The following TENM1 variants were observed in gnomAD, a reference collection of about 807,000 sequenced individuals.
TENM1 encodes teneurin transmembrane protein 1.
TENM1 carries 35 observed loss-of-function variants against 174.8 expected under a neutral mutation model. The ratio of observed to expected loss-of-function variants is 0.20; its 90% CI spans 0.15 to 0.27. The LOEUF is 0.27. TENM1 is among the 10% of genes least tolerant of loss of function. The pLI is 1.00. For synonymous variants in TENM1, 781 were observed against 798.7 expected (o/e 0.98, Z 0.37); for missense variants, 1,633 against 2,130.1 (o/e 0.77, Z 4.59).
At chrX:125,152,187 G>A in the TENM1 span, among the ~76,000 whole-genome samples, 1 of 109,120 alleles carries the variant, frequency 9.2e-6, no homozygotes, top group African/African-American at 3.4e-5. Flanking sequence ...CCCGGGAGGT[G>A]GAGGTTGCAG....
At chrX:125,149,581 C>T in the TENM1 span, among the ~76,000 whole-genome samples, 1 of 111,528 alleles carries the variant, frequency 9.0e-6, no homozygotes, top group Non-Finnish European at 1.9e-5. Flanking sequence ...GAAAATAATT[C>T]CATCCAATAG....
At chrX:125,065,098 C>T in the TENM1 span, among the ~76,000 whole-genome samples, 1 of 111,618 alleles carries the variant, frequency 9.0e-6, no homozygotes, top group Non-Finnish European at 1.9e-5. Flanking sequence ...ATGGTTTTAC[C>T]AGCACAATCC....
intron 5 of TENM1, among the ~76,000 whole-genome samples, chrX:124,679,588 TC>T (rs1378003145): frequency 8.9e-6 from 1 of 112,062 alleles, no homozygotes; most frequent in African/African-American, 3.2e-5. Context: ...CAGGTTATCT[TC>T]CCATCTTAAA....
intron 22 of TENM1, among the ~76,000 whole-genome samples, chrX:124,454,027 CA>C (rs1194685820): frequency 9.1e-6 from 1 of 110,222 alleles, no homozygotes; most frequent in Non-Finnish European, 1.9e-5. Context: ...AGTTGGCGAG[CA>C]AAATTATAGT....
At chrX:124,886,700 T>C (rs1472661569) in intron 3 of TENM1, among the ~76,000 whole-genome samples, 1 of 100,896 alleles carries the variant, frequency 9.9e-6, no homozygotes, top group Non-Finnish European at 2.0e-5. Context: ...AATATCACAC[T>C]AGGAAAAATG....
At chrX:124,396,675 C>T (rs1056766480) in intron 27 of TENM1, among the ~76,000 whole-genome samples, 1 of 111,134 alleles carries the variant, frequency 9.0e-6, no homozygotes, top group Non-Finnish European at 1.9e-5. Flanking sequence ...CTGAACACTA[C>T]CTACTACTGG....
At chrX:124,653,991 C>T (rs111891279) in intron 6 of TENM1, among the ~76,000 whole-genome samples, 223 of 111,972 alleles carry the variant, frequency 2.0e-3, no homozygotes, top group African/African-American at 6.8e-3. Context: ...TCTCTCTTCT[C>T]TTCAAACCCT....
At position 124,461,088 on chromosome X, in the gene TENM1, T is replaced by C. The variant is rs141403404; in HGVS notation, c.3950-7597A>G. 1.4e-3 allele frequency among the ~76,000 whole-genome samples: 152 copies of C among 112,426 alleles called. 1 individual carries two copies. Among genetic ancestry groups the C allele is most frequent in the African/African-American group, 4.6e-3 (142 of 31,030 alleles). On this transcript the variant is annotated intron_variant, in intron 22 of 31. Transcript: ENST00000422452. ...TGTGGCTTCATCTTCACAGAGCTGA[T>C]GAGTTTCAAGAAAGTACTCAAGACC...
At chrX:124,829,567 T>C (rs965417553) in intron 3 of TENM1, among the ~76,000 whole-genome samples, 1 of 111,970 alleles carries the variant, frequency 8.9e-6, no homozygotes, top group African/African-American at 3.3e-5. Context: ...AAGATACACA[T>C]GAAACACACT....
the TENM1 span, among the ~76,000 whole-genome samples, chrX:125,077,726 G>C: frequency 1.8e-4 from 20 of 111,031 alleles, no homozygotes; most frequent in African/African-American, 5.9e-4. Flanking sequence ...GGAAATCCTG[G>C]ACAAAGGAGA....
the TENM1 span, among the ~76,000 whole-genome samples, chrX:124,985,445 A>C: frequency 8.9e-6 from 1 of 112,303 alleles, no homozygotes; most frequent in South Asian, 3.7e-4. Flanking sequence ...TTCCCAGGCA[A>C]GTATGACTAA....
At chrX:124,978,112 C>G in the TENM1 span, among the ~76,000 whole-genome samples, 71 of 109,823 alleles carry the variant, frequency 6.5e-4, 1 homozygote, top group Middle Eastern at 4.7e-3. Flanking sequence ...ATTCGATCTG[C>G]TTTTGAGTCT....
intron 3 of TENM1, among the ~76,000 whole-genome samples, chrX:124,745,173 T>A (rs888012726): frequency 1.8e-5 from 2 of 111,566 alleles, no homozygotes; most frequent in Non-Finnish European, 3.8e-5. Flanking sequence ...TCTGGTTATT[T>A]GGCAAGAAAG....
the TENM1 span, among the ~76,000 whole-genome samples, chrX:125,049,912 G>C: frequency 2.7e-5 from 3 of 109,431 alleles, no homozygotes; most frequent in East Asian, 8.6e-4. Flanking sequence ...TTCTGGATAT[G>C]ACTCTCTTAT....
chrX:124,478,055 G>C (rs1187359938), intron 22 of TENM1, among the ~76,000 whole-genome samples: 1 of 112,214 alleles, frequency 8.9e-6, no homozygotes, highest in Non-Finnish European at 1.9e-5. Flanking sequence ...AGTAGGCACT[G>C]AACAAGTTAT....
the TENM1 span, among the ~76,000 whole-genome samples, chrX:125,071,245 A>C: frequency 8.9e-6 from 1 of 111,901 alleles, no homozygotes; most frequent in Non-Finnish European, 1.9e-5. Context: ...AGTCCAACTA[A>C]TGAAACATTT....
chrX:125,006,040 G>A, the TENM1 span, among the ~76,000 whole-genome samples: 2 of 111,631 alleles, frequency 1.8e-5, no homozygotes, highest in Non-Finnish European at 1.9e-5. Context: ...CCTGGAAAGG[G>A]GGCTGAAACC....
At chrX:125,160,544 C>CAAAA in the TENM1 span, among the ~76,000 whole-genome samples, 6,009 of 29,062 alleles carry the variant, frequency 0.21, 1,454 homozygotes, top group Non-Finnish European at 0.24. Context: ...GACCCCGTCT[C>CAAAA]AAAAAAAAAA....
intron 1 of TENM1, among the ~76,000 whole-genome samples, chrX:124,926,332 C>T (rs182503979): frequency 9.0e-6 from 1 of 111,501 alleles, no homozygotes; most frequent in Admixed American, 9.5e-5. Flanking sequence ...ATAACAATAC[C>T]TGTTGCATAG....
Sources: gnomAD v4.1 joint callset for allele counts (sites outside exome capture counted in the v4.1 genomes callset) on GRCh38, gnomAD v4.1.1 for gene constraint, MANE v1.5 for transcripts, NCBI Gene and HGNC (gene_info 2026-07-23, HGNC 2026-07-21) for gene names.